ST8SIA4: variants seen among roughly 807,000 people sequenced by gnomAD.
ST8SIA4 encodes the protein CMP-N-acetylneuraminate-poly-alpha-2,8-sialyltransferase.
A neutral mutation model predicts 33.9 loss-of-function variants in ST8SIA4; 15 were observed. That is an observed-to-expected ratio of 0.44 (90% confidence interval 0.30 to 0.68). The LOEUF (loss-of-function observed/expected upper bound fraction) is 0.68, where lower values mean the gene tolerates loss of function less well. ST8SIA4 is among the 30% of genes least tolerant of loss of function. ST8SIA4 has a pLI of 0.10. For synonymous variants in ST8SIA4, 171 were observed against 151.2 expected (o/e 1.13, Z -0.96); for missense variants, 321 against 428.0 (o/e 0.75, Z 2.21).
chr5:100,824,074 T>G (rs1438328978), intron 4 of ST8SIA4, among the ~76,000 whole-genome samples: 2 of 152,220 alleles, frequency 1.3e-5, no homozygotes, highest in Non-Finnish European at 2.9e-5. Flanking sequence ...ATAAAGCCTC[T>G]CTAATCACTT....
In ST8SIA4 at chr5:100,902,193, TA is replaced by T. The variant is rs779751258; in HGVS notation, c.113+649del. On this transcript the variant is annotated intron_variant, in intron 1 of 4. Coordinates refer to ENST00000231461, the MANE Select transcript of ST8SIA4 (RefSeq NM_005668.6). ...AGAGTCTGAACTCATCTAGACAAAC[TA>T]AAAAAAATAGCAGAAATATAGTCTG... Among the ~76,000 whole-genome samples, 24 of 151,770 alleles carry T rather than the reference TA, an allele frequency of 1.6e-4. 1 individual carries two copies. Among genetic ancestry groups the T allele is most frequent in the Admixed American group, 9.2e-4 (14 of 15,242 alleles).
At chr5:100,897,963 A>G (rs1752816365) in intron 1 of ST8SIA4, among the ~76,000 whole-genome samples, 1 of 152,238 alleles carries the variant, frequency 6.6e-6, no homozygotes. Context: ...CACAGAAGCT[A>G]ACGTTCACAC....
chr5:100,888,731 G>A (rs766232306), intron 2 of ST8SIA4, among the ~76,000 whole-genome samples: 7 of 151,770 alleles, frequency 4.6e-5, no homozygotes, highest in Non-Finnish European at 1.0e-4. Context: ...AGCAAAGAAG[G>A]GAGGAAAGTA....
intron 3 of ST8SIA4, among the ~76,000 whole-genome samples, chr5:100,859,017 A>T (rs1048864964): frequency 6.6e-6 from 1 of 152,090 alleles, no homozygotes; most frequent in African/African-American, 2.4e-5. Flanking sequence ...GTTGCTGGTA[A>T]ATTAACAACT....
intron 4 of ST8SIA4, among the ~76,000 whole-genome samples, chr5:100,842,430 CT>C (rs1346612134): frequency 6.6e-6 from 1 of 151,660 alleles, no homozygotes; most frequent in Non-Finnish European, 1.5e-5. Context: ...TATCAAGTTC[CT>C]TTTTTTAAAA....
At chr5:100,857,295 C>A (rs1217994513) in intron 3 of ST8SIA4, among the ~76,000 whole-genome samples, 3 of 151,814 alleles carry the variant, frequency 2.0e-5, no homozygotes, top group Non-Finnish European at 2.9e-5. Context: ...TTGAAAAGCA[C>A]CTTGAATTTG....
chr5:100,823,731 G>T (rs1409032588), intron 4 of ST8SIA4, among the ~76,000 whole-genome samples: 4 of 152,214 alleles, frequency 2.6e-5, no homozygotes, highest in African/African-American at 9.6e-5. Context: ...AGTGAAAACT[G>T]ATCATGTGGT....
chr5:100,902,921 G>C lies in ST8SIA4; in HGVS notation c.35C>G (p.Thr12Arg). ...RSIRKRWTIC[T>R]ISLLLIFYKT... ...ATAAAAGATCAGGAGCAGACTTATT[G>C]TGCAGATCGTCCACCTCTTCCTAAT... The change falls in exon 1 of 5, where the codon ACA becomes AGA. Residue 12 changes from threonine to arginine, a missense_variant. Thr to Arg is a moderately conservative substitution (Grantham distance 71). Transcript: ENST00000231461. 1 of 1,614,176 alleles carries C rather than the reference G, an allele frequency of 6.2e-7. No homozygotes were observed. Among genetic ancestry groups the C allele is most frequent in the Non-Finnish European group, 8.5e-7 (1 of 1,180,016 alleles).
chr5:100,816,367 A>G, intron 4 of ST8SIA4: 2 of 404,114 alleles, frequency 4.9e-6, no homozygotes, highest in Non-Finnish European at 9.8e-6. Context: ...TTTTAGGAAC[A>G]AAAATGTTAT....
chr5:100,846,825 A>G (rs1438539275), intron 4 of ST8SIA4, among the ~76,000 whole-genome samples: 1 of 152,090 alleles, frequency 6.6e-6, no homozygotes, highest in Non-Finnish European at 1.5e-5. Flanking sequence ...GGCAGAATGA[A>G]AGCTGTTTTC....
rs527851275 is a variant in ST8SIA4, at chr5:100,870,842, AC to A, written c.504-14447del. On this transcript the variant is annotated intron_variant, in intron 3 of 4. Coordinates refer to ENST00000231461, the MANE Select transcript of ST8SIA4 (RefSeq NM_005668.6). ...TAAATTTTGCATTTAAAATCAATAA[AC>A]AAAAATCACAATTTAATTAGTTTTA... Among the ~76,000 whole-genome samples, 20 of 152,230 alleles carry A rather than the reference AC, an allele frequency of 1.3e-4. No homozygotes were observed. In the South Asian group the frequency reaches 3.3e-3, roughly 25 times the overall value.
chr5:100,831,608 A>C (rs765761682), intron 4 of ST8SIA4, among the ~76,000 whole-genome samples: 41 of 152,132 alleles, frequency 2.7e-4, no homozygotes, highest in Non-Finnish European at 5.1e-4. Flanking sequence ...TTTTTCCTTC[A>C]TGCAGAGACA....
chr5:100,827,541 C>T (rs1054585745), intron 4 of ST8SIA4, among the ~76,000 whole-genome samples: 5 of 152,184 alleles, frequency 3.3e-5, no homozygotes, highest in African/African-American at 1.2e-4. Context: ...ATTCATTCCA[C>T]CATGGAAACA....
intron 2 of ST8SIA4, among the ~76,000 whole-genome samples, chr5:100,894,170 A>G (rs1661189429): frequency 6.6e-6 from 1 of 152,166 alleles, no homozygotes; most frequent in African/African-American, 2.4e-5. Flanking sequence ...TTGAGAGACC[A>G]TGACTAGTGT....
intron 1 of ST8SIA4, among the ~76,000 whole-genome samples, chr5:100,901,361 G>T (rs960753143): frequency 6.6e-6 from 1 of 152,158 alleles, no homozygotes; most frequent in South Asian, 2.1e-4. Flanking sequence ...CACGGCCCGG[G>T]AGGGAACAAA....
intron 3 of ST8SIA4, among the ~76,000 whole-genome samples, chr5:100,870,444 G>A (rs1189606784): frequency 6.6e-6 from 1 of 151,992 alleles, no homozygotes; most frequent in Admixed American, 6.6e-5. Context: ...CTTGATTTTT[G>A]GAAAAGCTGT....
intron 3 of ST8SIA4, among the ~76,000 whole-genome samples, chr5:100,876,566 C>T (rs1752311916): frequency 6.6e-6 from 1 of 152,038 alleles, no homozygotes; most frequent in African/African-American, 2.4e-5. Context: ...GTTTTTCTAT[C>T]TTAGCCAATC....
At chr5:100,866,896 C>A (rs184237366) in intron 3 of ST8SIA4, among the ~76,000 whole-genome samples, 41 of 152,114 alleles carry the variant, frequency 2.7e-4, no homozygotes, top group African/African-American at 8.4e-4. Context: ...CATTAAACTT[C>A]ATGAGCATTG....
At chr5:100,879,055 T>C (rs1002632484) in intron 3 of ST8SIA4, among the ~76,000 whole-genome samples, 2 of 152,182 alleles carry the variant, frequency 1.3e-5, no homozygotes, top group African/African-American at 4.8e-5. Context: ...TTTTGGAAAG[T>C]AGTAAAAATA....
Sources: allele counts gnomAD v4.1 joint callset (sites outside exome capture counted in the v4.1 genomes callset), GRCh38; gene constraint gnomAD v4.1.1; transcripts MANE v1.5; gene names NCBI Gene and HGNC (gene_info 2026-07-23, HGNC 2026-07-21).